IL1RAPL2: variants seen among roughly 807,000 people sequenced by gnomAD.
IL1RAPL2 encodes interleukin 1 receptor accessory protein like 2.
IL1RAPL2 carries 3 observed loss-of-function variants against 44.1 expected under a neutral mutation model. The ratio of observed to expected loss-of-function variants is 0.07; its 90% CI spans 0.03 to 0.18. The LOEUF is 0.18. Among genes scored for constraint, IL1RAPL2 ranks in the 10% least tolerant of loss-of-function variants. The pLI is 1.00. For missense variants in IL1RAPL2, 391 were observed against 496.4 expected (o/e 0.79, Z 2.02); for synonymous variants, 181 against 178.8 (o/e 1.01, Z -0.10).
intron 5 of IL1RAPL2, among the ~76,000 whole-genome samples, chrX:105,465,635 G>C (rs1221543643): frequency 1.8e-5 from 2 of 111,621 alleles, no homozygotes; most frequent in African/African-American, 3.2e-5. Context: ...TTCTGGTTAG[G>C]ACTGCTTCAC....
chrX:105,192,840 T>C (rs782801662), intron 2 of IL1RAPL2, among the ~76,000 whole-genome samples: 7 of 112,213 alleles, frequency 6.2e-5, no homozygotes, highest in Non-Finnish European at 1.3e-4. Context: ...TCTCTGGCTA[T>C]TGACTACCTT....
intron 2 of IL1RAPL2, among the ~76,000 whole-genome samples, chrX:104,889,298 G>T (rs1022104123): frequency 1.8e-5 from 2 of 111,299 alleles, no homozygotes; most frequent in Non-Finnish European, 3.8e-5. Context: ...GTTCCTAGTC[G>T]ATACAAAACG....
Position 104,916,606 on chromosome X carries a change from T to G in IL1RAPL2, c.82+257611T>G, listed in dbSNP as rs1226467064. Among the ~76,000 whole-genome samples the G allele has an allele frequency of 9.9e-5, 11 of 111,581 alleles. No homozygotes were observed. In the East Asian group the frequency reaches 3.1e-3, roughly 32 times the overall value. On this transcript the variant is annotated intron_variant, in intron 2 of 10. Transcript: ENST00000372582. The stretch of plus-strand genomic sequence containing the variant: ...CCTGGCCAGACCTTCCAACACTATG[T>G]TGAATTGGAGTGGTGAGAGAGGGCA...
At chrX:105,684,109 A>G (rs2037948250) in intron 6 of IL1RAPL2, among the ~76,000 whole-genome samples, 1 of 112,021 alleles carries the variant, frequency 8.9e-6, no homozygotes, top group Non-Finnish European at 1.9e-5. Context: ...AGCTCCCAGC[A>G]TGATCGACAC....
At chrX:105,106,688 C>T (rs2032747789) in intron 2 of IL1RAPL2, among the ~76,000 whole-genome samples, 1 of 110,803 alleles carries the variant, frequency 9.0e-6, no homozygotes, top group African/African-American at 3.3e-5. Context: ...AATAGTCGTG[C>T]TGAGGAAAAT....
chrX:105,323,630 C>A (rs964396553), intron 5 of IL1RAPL2, among the ~76,000 whole-genome samples: 2 of 111,735 alleles, frequency 1.8e-5, no homozygotes, highest in African/African-American at 3.3e-5. Context: ...AATCCCAGCA[C>A]TTTGGGAGGC....
chrX:105,341,786 C>T (rs1467336887), intron 5 of IL1RAPL2, among the ~76,000 whole-genome samples: 1 of 110,423 alleles, frequency 9.1e-6, no homozygotes, highest in Non-Finnish European at 1.9e-5. Flanking sequence ...AAAAAATTAG[C>T]CGAGCATGGG....
At chrX:104,888,740 T>C (rs914843341) in intron 2 of IL1RAPL2, among the ~76,000 whole-genome samples, 4 of 111,580 alleles carry the variant, frequency 3.6e-5, no homozygotes, top group Non-Finnish European at 7.5e-5. Flanking sequence ...AAACTGGGTC[T>C]TTACCAACTT....
At chrX:105,234,078 T>G in intron 4 of IL1RAPL2, 74 bp downstream of exon 4, 4 of 807,590 alleles carry the variant, frequency 5.0e-6, no homozygotes, top group Non-Finnish European at 6.9e-6. Flanking sequence ...AAGGGAGATT[T>G]TTTTACTAGT....
chrX:104,789,769 C>G (rs1028244897), intron 2 of IL1RAPL2, among the ~76,000 whole-genome samples: 3 of 112,187 alleles, frequency 2.7e-5, no homozygotes, highest in African/African-American at 9.7e-5. Context: ...ACAAACTGAG[C>G]TGAAATATCC....
At chrX:105,757,793 G>C (rs756681815) in intron 10 of IL1RAPL2, among the ~76,000 whole-genome samples, 2 of 111,675 alleles carry the variant, frequency 1.8e-5, no homozygotes, top group African/African-American at 3.2e-5. Context: ...AACCTGCAGA[G>C]GCTCTTAAAA....
intron 6 of IL1RAPL2, among the ~76,000 whole-genome samples, chrX:105,575,785 C>T (rs1314995344): frequency 8.9e-6 from 1 of 112,295 alleles, no homozygotes; most frequent in East Asian, 2.8e-4. Flanking sequence ...TTTACATTTC[C>T]ACCAGCAGTG....
At chrX:104,680,275 C>T (rs1200772497) in intron 2 of IL1RAPL2, among the ~76,000 whole-genome samples, 1 of 111,884 alleles carries the variant, frequency 8.9e-6, no homozygotes, top group Non-Finnish European at 1.9e-5. Context: ...TCAATCTAAT[C>T]CAGTGGTTCT....
In IL1RAPL2 at chrX:104,612,983, T is replaced by C. The variant is rs926340175; in HGVS notation, c.-19-45912T>C. ...ATTTGTCTCTCAGCTTGAATGATAT[T>C]TGTGTATAGAAATGCTACTTATTTT... On this transcript the variant is annotated intron_variant, in intron 1 of 10. Transcript: ENST00000372582. Among the ~76,000 whole-genome samples the C allele has an allele frequency of 8.9e-5, 10 of 111,735 alleles. No individual in the cohort carries two copies. In the Admixed American group the frequency reaches 9.6e-4, roughly 11 times the overall value.
intron 2 of IL1RAPL2, among the ~76,000 whole-genome samples, chrX:104,690,292 T>C (rs1184597876): frequency 8.9e-6 from 1 of 112,713 alleles, no homozygotes; most frequent in Non-Finnish European, 1.9e-5. Flanking sequence ...AAATGCTTTC[T>C]CAAATGTGAT....
chrX:104,793,092 C>T (rs980223940), intron 2 of IL1RAPL2, among the ~76,000 whole-genome samples: 2 of 112,195 alleles, frequency 1.8e-5, no homozygotes, highest in Admixed American at 9.4e-5. Context: ...ACTGAGGTCA[C>T]GACAAGAATG....
At chrX:105,408,570 C>T (rs1437862610) in intron 5 of IL1RAPL2, among the ~76,000 whole-genome samples, 1 of 111,522 alleles carries the variant, frequency 9.0e-6, no homozygotes, top group South Asian at 3.7e-4. Context: ...CAGACCTTTA[C>T]AAGTGAAGGA....
intron 2 of IL1RAPL2, among the ~76,000 whole-genome samples, chrX:104,876,780 C>A (rs939064684): frequency 9.6e-6 from 1 of 104,127 alleles, no homozygotes; most frequent in African/African-American, 3.5e-5. Context: ...GCACAATGTG[C>A]AGGTTAGTTA....
chrX:105,346,149 A>C (rs1778121342), intron 5 of IL1RAPL2, among the ~76,000 whole-genome samples: 1 of 112,184 alleles, frequency 8.9e-6, no homozygotes, highest in Admixed American at 9.5e-5. Context: ...AAAGCCTACA[A>C]GGTGTTTGAA....
Sources: allele counts gnomAD v4.1 joint callset (sites outside exome capture counted in the v4.1 genomes callset), GRCh38; gene constraint gnomAD v4.1.1; transcripts MANE v1.5; gene names NCBI Gene and HGNC (gene_info 2026-07-23, HGNC 2026-07-21).